CENPP: variants seen among roughly 807,000 people sequenced by gnomAD.
CENPP encodes the protein centromere protein P.
In CENPP, 24 loss-of-function variants were observed where a neutral mutation model predicts 35.6. The observed-to-expected ratio is 0.67, with a 90% CI of 0.49 to 0.95. The LOEUF is 0.95. Among genes scored for constraint, CENPP ranks in the 40% least tolerant of loss-of-function variants. The pLI is 0.00. For missense variants in CENPP, 332 were observed against 345.3 expected (o/e 0.96, Z 0.31); for synonymous variants, 120 against 125.5 (o/e 0.96, Z 0.29).
At chr9:92,561,585 GTTTAA>G (rs781579787) in intron 5 of CENPP, among the ~76,000 whole-genome samples, 7 of 152,152 alleles carry the variant, frequency 4.6e-5, no homozygotes, top group Non-Finnish European at 8.8e-5. Flanking sequence ...GGCATTTATA[GTTTAA>G]TTTGTCTTCA....
At chr9:92,495,831 CA>C (rs1846316973) in intron 5 of CENPP, 3 of 964,348 alleles carry the variant, frequency 3.1e-6, no homozygotes, top group Non-Finnish European at 3.7e-6. Flanking sequence ...GTAATTATAG[CA>C]CAGGACCTTA....
intron 5 of CENPP, among the ~76,000 whole-genome samples, chr9:92,559,444 C>T (rs907368624): frequency 2.0e-5 from 3 of 152,178 alleles, no homozygotes; most frequent in East Asian, 1.9e-4. Flanking sequence ...TTCCCACTTC[C>T]GCAATTGGGG....
intron 5 of CENPP, among the ~76,000 whole-genome samples, chr9:92,431,104 T>C (rs1844097610): frequency 6.6e-6 from 1 of 152,200 alleles, no homozygotes; most frequent in Non-Finnish European, 1.5e-5. Context: ...AGTTTCTTTA[T>C]TTTTAAATTT....
intron 4 of CENPP, among the ~76,000 whole-genome samples, chr9:92,349,215 C>G (rs554219477): frequency 1.3e-5 from 2 of 152,234 alleles, no homozygotes; most frequent in East Asian, 3.9e-4. Context: ...AGTCTTTCCT[C>G]TGTTGCAGTA....
At chr9:92,460,650 A>AAGT in intron 5 of CENPP, 2 of 928,012 alleles carry the variant, frequency 2.2e-6, no homozygotes, top group South Asian at 3.3e-5. Context: ...GTTTCAGATT[A>AAGT]TGGATTTAGG....
intron 4 of CENPP, among the ~76,000 whole-genome samples, chr9:92,362,962 T>C (rs1841797094): frequency 6.6e-6 from 1 of 152,220 alleles, no homozygotes; most frequent in African/African-American, 2.4e-5. Context: ...GGAATCTCTT[T>C]AAGCCGGCTC....
chr9:92,430,226 C>T (rs12342019), intron 5 of CENPP, among the ~76,000 whole-genome samples: 55,547 of 151,964 alleles, frequency 0.37, 12,457 homozygotes, highest in African/African-American at 0.63. Flanking sequence ...CTGTATGCTG[C>T]GTTTTCTGGA....
chr9:92,619,220 G>C lies in CENPP; in HGVS notation c.*6071G>C, dbSNP rs1294660529. 6 of 421,998 alleles carry C rather than the reference G, an allele frequency of 1.4e-5. No individual in the cohort carries two copies. Among genetic ancestry groups the C allele is most frequent in the Non-Finnish European group, 2.2e-5 (5 of 228,028 alleles). The allele number at this position is 421,998 out of a possible 1,614,324, so 26.1% of individuals were successfully genotyped here. On this transcript the variant is annotated 3_prime_UTR_variant, in exon 8 of 8. Coordinates refer to ENST00000375587, the MANE Select transcript of CENPP (RefSeq NM_001012267.3). The stretch of plus-strand genomic sequence containing the variant: ...CTGTCCACATTGTTTCTGAGCTCTT[G>C]GGAGTATTTTCTTAGAAAACAGTAA...
chr9:92,369,095 A>G (rs1181631417), intron 4 of CENPP, among the ~76,000 whole-genome samples: 1 of 152,200 alleles, frequency 6.6e-6, no homozygotes, highest in African/African-American at 2.4e-5. Context: ...ATTACTAACA[A>G]CTAATAATAT....
intron 5 of CENPP, among the ~76,000 whole-genome samples, chr9:92,434,722 C>T (rs896234876): frequency 4.6e-5 from 7 of 152,026 alleles, no homozygotes; most frequent in Admixed American, 2.6e-4. Context: ...TCCAGAGATG[C>T]AAGATGATTC....
At chr9:92,566,600 C>A (rs537883617) in intron 5 of CENPP, among the ~76,000 whole-genome samples, 2 of 152,022 alleles carry the variant, frequency 1.3e-5, no homozygotes, top group Non-Finnish European at 2.9e-5. Context: ...TAAAGGGATT[C>A]GAAGGCAGAT....
At chr9:92,509,972 T>C (rs1847238169) in intron 5 of CENPP, 1 of 1,610,800 alleles carries the variant, frequency 6.2e-7, no homozygotes, top group African/African-American at 1.3e-5. Flanking sequence ...TAGATGGCAA[T>C]TGTGAAGGAA....
chr9:92,467,179 C>A (rs182318739), intron 5 of CENPP, among the ~76,000 whole-genome samples: 1 of 152,172 alleles, frequency 6.6e-6, no homozygotes, highest in South Asian at 2.1e-4. Context: ...GGCAATAAGA[C>A]AGCATCCTCC....
intron 5 of CENPP, among the ~76,000 whole-genome samples, chr9:92,393,428 T>C (rs1433914928): frequency 3.3e-5 from 5 of 152,202 alleles, no homozygotes; most frequent in Non-Finnish European, 7.3e-5. Context: ...CAGAATATTG[T>C]TTGAGAATCT....
At chr9:92,334,733 A>G (rs960301114) in intron 2 of CENPP, among the ~76,000 whole-genome samples, 2 of 151,604 alleles carry the variant, frequency 1.3e-5, no homozygotes, top group Admixed American at 1.3e-4. Flanking sequence ...TACAACAATT[A>G]GCTAGGCATG....
At chr9:92,607,001 CA>C (rs1243543477) in intron 5 of CENPP, among the ~76,000 whole-genome samples, 1 of 152,028 alleles carries the variant, frequency 6.6e-6, no homozygotes, top group Non-Finnish European at 1.5e-5. Flanking sequence ...TTTAAAAAAT[CA>C]AATAGCCAAA....
intron 5 of CENPP, among the ~76,000 whole-genome samples, chr9:92,549,522 C>T (rs1211185795): frequency 3.9e-5 from 6 of 152,098 alleles, no homozygotes; most frequent in Non-Finnish European, 7.4e-5. Context: ...TGGCACACGC[C>T]TGTAGTCCCA....
intron 5 of CENPP, chr9:92,512,277 C>A (rs1018603804): frequency 4.3e-6 from 2 of 464,342 alleles, no homozygotes; most frequent in Non-Finnish European, 3.9e-6. Flanking sequence ...ATTATATAAC[C>A]AAAGCATGTT....
At chr9:92,363,708 A>G (rs1445383055) in intron 4 of CENPP, among the ~76,000 whole-genome samples, 1 of 152,142 alleles carries the variant, frequency 6.6e-6, no homozygotes, top group Non-Finnish European at 1.5e-5. Context: ...TCCCCAGTTT[A>G]TAGTATGTAT....
Sources: gnomAD v4.1 joint callset for allele counts (sites outside exome capture counted in the v4.1 genomes callset) on GRCh38, gnomAD v4.1.1 for gene constraint, MANE v1.5 for transcripts, NCBI Gene and HGNC (gene_info 2026-07-23, HGNC 2026-07-21) for gene names.